The following CERS6 variants were observed in gnomAD, a reference collection of about 807,000 sequenced individuals.
CERS6 encodes the protein ceramide synthase 6.
Under a neutral mutation model 56.8 loss-of-function variants are expected in CERS6, and 26 were observed. The ratio of observed to expected loss-of-function variants is 0.46; its 90% CI spans 0.34 to 0.63. CERS6 has a LOEUF of 0.63. CERS6 is among the 30% of genes least tolerant of loss of function. CERS6 has a pLI of 0.01. For missense variants in CERS6, 415 were observed against 467.5 expected (o/e 0.89, Z 1.04); for synonymous variants, 164 against 173.3 (o/e 0.95, Z 0.42).
chr2:168,706,594 A>G (rs1034526085), intron 6 of CERS6, among the ~76,000 whole-genome samples: 3 of 152,234 alleles, frequency 2.0e-5, no homozygotes, highest in Non-Finnish European at 2.9e-5. Context: ...AGCTGTGGTT[A>G]TACTTGATCA....
intron 1 of CERS6, among the ~76,000 whole-genome samples, chr2:168,463,440 A>G (rs966098520): frequency 6.6e-6 from 1 of 152,180 alleles, no homozygotes; most frequent in Non-Finnish European, 1.5e-5. Context: ...TCCAGTTTAT[A>G]TAAGTCTTTT....
chr2:168,640,009 G>T lies in CERS6; in HGVS notation c.465+8967G>T, dbSNP rs113947448. Among the ~76,000 whole-genome samples the T allele has an allele frequency of 3.4e-3, 519 of 152,230 alleles. 4 individuals are homozygous for T. The highest frequency in any genetic ancestry group is 0.011 in the African/African-American group (450 of 41,544). ...ATGACTATTCCAAAGCACAGACAAG[G>T]TGACCATTTTGTGCCCAAGAAATGT... On this transcript the variant is annotated intron_variant, in intron 4 of 9. Transcript: ENST00000305747.
At chr2:168,606,216 A>T (rs1398824036) in intron 3 of CERS6, among the ~76,000 whole-genome samples, 2 of 152,196 alleles carry the variant, frequency 1.3e-5, no homozygotes, top group Admixed American at 1.3e-4. Flanking sequence ...GTCAAAGGAG[A>T]TTATTTTGGA....
In CERS6 at chr2:168,656,444, C is replaced by A. The variant is rs370192612; in HGVS notation, c.465+25402C>A. Among the ~76,000 whole-genome samples the A allele has an allele frequency of 2.7e-3, 410 of 152,064 alleles. 3 individuals carry two copies. The highest frequency in any genetic ancestry group is 4.4e-3 in the Non-Finnish European group (299 of 67,980). On this transcript the variant is annotated intron_variant, in intron 4 of 9. Coordinates refer to ENST00000305747, the MANE Select transcript of CERS6 (RefSeq NM_203463.3). The stretch of plus-strand genomic sequence containing the variant: ...TTAAGGTGGCGCGTCTGGAGTCTGT[C>A]CCTTCTGATGTTCAGATGTGTTCGG...
chr2:168,683,110 A>G lies in CERS6; in HGVS notation c.466-7924A>G, dbSNP rs868302509. On this transcript the variant is annotated intron_variant, in intron 4 of 9. Coordinates refer to ENST00000305747, the MANE Select transcript of CERS6 (RefSeq NM_203463.3). ...GAATTATAATAGATATCTATGTATC[A>G]GTACCTTTATATATGGATCTAGTTA... 5.3e-5 allele frequency among the ~76,000 whole-genome samples: 8 copies of G among 152,336 alleles called. No homozygotes were observed. In the South Asian group the frequency reaches 1.7e-3, roughly 32 times the overall value.
intron 8 of CERS6, among the ~76,000 whole-genome samples, chr2:168,755,128 T>A (rs550008196): frequency 3.9e-5 from 6 of 152,340 alleles, no homozygotes; most frequent in African/African-American, 1.4e-4. Flanking sequence ...CTAAAGATAA[T>A]ATGTTTTGGT....
At chr2:168,737,525 C>T (rs1349291948) in intron 8 of CERS6, among the ~76,000 whole-genome samples, 2 of 152,106 alleles carry the variant, frequency 1.3e-5, no homozygotes, top group Non-Finnish European at 2.9e-5. Flanking sequence ...TGTCTAAAAC[C>T]TTTTGTTCTG....
intron 4 of CERS6, among the ~76,000 whole-genome samples, chr2:168,646,924 G>T (rs1179427628): frequency 2.0e-5 from 3 of 152,102 alleles, no homozygotes; most frequent in Non-Finnish European, 4.4e-5. Context: ...GGATATTTTG[G>T]TTACTGTAGC....
At chr2:168,736,964 ACT>A (rs1407637880) in intron 8 of CERS6, among the ~76,000 whole-genome samples, 2 of 150,386 alleles carry the variant, frequency 1.3e-5, no homozygotes, top group Non-Finnish European at 3.0e-5. Flanking sequence ...TGTGGATCTG[ACT>A]CTATTTTCGG....
chr2:168,695,127 A>C, intron 6 of CERS6, 76 bp downstream of exon 6: 3 of 1,081,008 alleles, frequency 2.8e-6, no homozygotes, highest in Non-Finnish European at 4.3e-6. Flanking sequence ...TTAGACTCTC[A>C]AAGGCACTCA....
intron 6 of CERS6, among the ~76,000 whole-genome samples, chr2:168,698,187 G>T (rs1395564810): frequency 1.5e-5 from 2 of 131,936 alleles, no homozygotes. Context: ...AGCCAAGATG[G>T]CACCGCCGCA....
At chr2:168,649,342 C>T (rs2105315520) in intron 4 of CERS6, among the ~76,000 whole-genome samples, 1 of 152,286 alleles carries the variant, frequency 6.6e-6, no homozygotes, top group East Asian at 1.9e-4. Context: ...CCACATTCAT[C>T]ACTGTCAAAT....
intron 4 of CERS6, among the ~76,000 whole-genome samples, chr2:168,649,494 G>A (rs948832403): frequency 1.3e-5 from 2 of 152,038 alleles, no homozygotes; most frequent in Non-Finnish European, 2.9e-5. Flanking sequence ...AATATTTTTA[G>A]CCTTTAAAGT....
At chr2:168,764,105 G>T (rs9287901) in intron 8 of CERS6, among the ~76,000 whole-genome samples, 1 of 152,000 alleles carries the variant, frequency 6.6e-6, no homozygotes, top group Non-Finnish European at 1.5e-5. Flanking sequence ...ATACTCTTAC[G>T]TACTCTTAAA....
At chr2:168,625,417 G>C (rs78343194) in intron 3 of CERS6, among the ~76,000 whole-genome samples, 1 of 151,992 alleles carries the variant, frequency 6.6e-6, no homozygotes, top group Non-Finnish European at 1.5e-5. Flanking sequence ...TAAATTATTC[G>C]ATCTATTGTG....
intron 8 of CERS6, among the ~76,000 whole-genome samples, chr2:168,743,938 C>CA (rs1360036721): frequency 9.4e-5 from 14 of 148,334 alleles, no homozygotes; most frequent in Middle Eastern, 3.5e-3. Flanking sequence ...CCACCACCAC[C>CA]AAAAAAAGAT....
At chr2:168,579,381 C>A (rs2105394729) in intron 3 of CERS6, among the ~76,000 whole-genome samples, 1 of 152,064 alleles carries the variant, frequency 6.6e-6, no homozygotes, top group South Asian at 2.1e-4. Flanking sequence ...AATTAGAGAC[C>A]TAGAGCTTGC....
intron 3 of CERS6, among the ~76,000 whole-genome samples, chr2:168,566,342 C>G (rs1268341237): frequency 6.6e-6 from 1 of 152,098 alleles, no homozygotes; most frequent in Non-Finnish European, 1.5e-5. Context: ...TTAGGAATTC[C>G]ATTTTAGAAT....
intron 1 of CERS6, among the ~76,000 whole-genome samples, chr2:168,481,803 T>C (rs1246541952): frequency 6.6e-6 from 1 of 152,260 alleles, no homozygotes; most frequent in Non-Finnish European, 1.5e-5. Context: ...AAATCATTCC[T>C]ATGTAAATAT....
Sources: allele counts gnomAD v4.1 joint callset (sites outside exome capture counted in the v4.1 genomes callset), GRCh38; gene constraint gnomAD v4.1.1; transcripts MANE v1.5; gene names NCBI Gene and HGNC (gene_info 2026-07-23, HGNC 2026-07-21).